The following API5 variants were observed in gnomAD, a reference collection of about 807,000 sequenced individuals.
API5 encodes the protein FIF.
Under a neutral mutation model 71.9 loss-of-function variants are expected in API5, and 6 were observed. That is an observed-to-expected ratio of 0.08 (90% confidence interval 0.05 to 0.16). API5 has a LOEUF of 0.16. API5 is among the 10% of genes least tolerant of loss of function. API5 has a pLI of 1.00. For synonymous variants in API5, 189 were observed against 221.3 expected, an observed-to-expected ratio of 0.85 and a Z score of 1.30; for missense variants, 332 against 612.8, an observed-to-expected ratio of 0.54 and a Z score of 4.84.
At chr11:43,331,461 A>G (rs1855254199) in intron 11 of API5, 1 of 203,250 alleles carries the variant, frequency 4.9e-6, no homozygotes, top group Admixed American at 5.7e-5. Context: ...TATGTACTGT[A>G]TTACAATAAA....
At chr11:43,324,474 G>C (rs187449772) in intron 6 of API5, among the ~76,000 whole-genome samples, 67 of 152,222 alleles carry the variant, frequency 4.4e-4, no homozygotes, top group African/African-American at 1.5e-3. Flanking sequence ...CCTAGAGCAG[G>C]CGTGGTGGCC....
chr11:43,313,627 C>T (rs1160908385), intron 1 of API5, among the ~76,000 whole-genome samples: 1 of 151,902 alleles, frequency 6.6e-6, no homozygotes, highest in East Asian at 1.9e-4. Context: ...GTAGCTTAAT[C>T]TAGAATTAAG....
chr11:43,340,287 C>G (rs1276647408), intron 13 of API5: 1 of 285,112 alleles, frequency 3.5e-6, no homozygotes, highest in Non-Finnish European at 6.8e-6. Context: ...GAAGGAGATA[C>G]AAACAAATTG....
intron 11 of API5, among the ~76,000 whole-genome samples, chr11:43,333,044 C>G (rs914987116): frequency 2.0e-5 from 3 of 152,092 alleles, no homozygotes; most frequent in African/African-American, 7.2e-5. Flanking sequence ...AATGTTTTAG[C>G]AAAAGATATT....
In API5 at chr11:43,342,803, G is replaced by A; in HGVS notation, c.*293G>A. 1.7e-6 allele frequency: 1 copy of A among 596,848 alleles called. No individual in the cohort carries two copies. Among genetic ancestry groups the A allele is most frequent in the Non-Finnish European group, 3.0e-6 (1 of 335,354 alleles). 37.0% of individuals were successfully genotyped at this position (596,848 alleles called of 1,614,324 possible). Reference sequence around the variant, plus strand: ...TTAAACATCTTGATAATTTGTTGTTGAGAGCTGTTCATTCTAAAATGTAAT... The same window carrying A: ...TTAAACATCTTGATAATTTGTTGTTAAGAGCTGTTCATTCTAAAATGTAAT... On this transcript the variant is annotated 3_prime_UTR_variant, in exon 14 of 14. Transcript: ENST00000531273.
chr11:43,313,106 CAAA>C (rs34061133), intron 1 of API5, among the ~76,000 whole-genome samples: 2 of 106,866 alleles, frequency 1.9e-5, no homozygotes. Flanking sequence ...GACCCCGTCT[CAAA>C]AAAAAAAAAA....
intron 6 of API5, among the ~76,000 whole-genome samples, chr11:43,324,032 C>A (rs1854984858): frequency 6.6e-6 from 1 of 151,208 alleles, no homozygotes; most frequent in Non-Finnish European, 1.5e-5. Context: ...TTTTTTTTTC[C>A]TTTGAGACAG....
chr11:43,312,155 A>C lies in API5; in HGVS notation c.28A>C (p.Asn10His). 1 of 1,613,944 alleles carries C rather than the reference A, an allele frequency of 6.2e-7. No individual in the cohort carries two copies. The highest frequency in any genetic ancestry group is 8.5e-7 in the Non-Finnish European group (1 of 1,179,930). The change falls in exon 1 of 14, where the codon AAT becomes CAT. Residue 10 changes from asparagine to histidine, a missense_variant. This residue lies in a region of API5 where 127 missense variants were observed against 237.6 expected (regional missense o/e 0.53). Coordinates refer to ENST00000531273, the MANE Select transcript of API5 (RefSeq NM_001142930.2). MPTVEELYR[N>H]YGILADATEQ... is the part of the protein sequence containing the mutation. ...GCCGACAGTAGAGGAGCTTTACCGC[A>C]ATTATGGCATCCTGGCCGATGCCAC...
intron 11 of API5, among the ~76,000 whole-genome samples, chr11:43,332,256 T>C (rs1379623732): frequency 6.6e-6 from 1 of 152,214 alleles, no homozygotes; most frequent in Non-Finnish European, 1.5e-5. Context: ...TAAATAGTTC[T>C]GCAGTGGATA....
intron 12 of API5, 61 bp from the exon 13 acceptor site, chr11:43,335,797 G>T: frequency 6.6e-7 from 1 of 1,511,156 alleles, no homozygotes; most frequent in South Asian, 1.3e-5. Flanking sequence ...AATTATAAAT[G>T]TATTGATAGC....
intron 2 of API5, among the ~76,000 whole-genome samples, chr11:43,319,809 A>G (rs1854805335): frequency 1.3e-5 from 2 of 152,234 alleles, no homozygotes; most frequent in African/African-American, 4.8e-5. Flanking sequence ...TTAGTAGTCA[A>G]TACTGAAAAT....
In API5 at chr11:43,335,211, A is replaced by T; in HGVS notation, c.1279-67A>T. Reference sequence around the variant, plus strand: ...TCTTTAAGATCTGTCTTCGTTTCCTACCCTCACCACCACTCCCTGCCACCA... The same window carrying T: ...TCTTTAAGATCTGTCTTCGTTTCCTTCCCTCACCACCACTCCCTGCCACCA... On this transcript the variant is annotated intron_variant, in intron 11 of 13. Coordinates refer to ENST00000531273, the MANE Select transcript of API5 (RefSeq NM_001142930.2). The T allele has an allele frequency of 3.6e-6, 4 of 1,121,680 alleles. No individual in the cohort carries two copies. In the South Asian group the frequency reaches 5.0e-5, roughly 14 times the overall value. 69.5% of individuals were successfully genotyped at this position (1,121,680 alleles called of 1,614,324 possible).
intron 11 of API5, 140 bp downstream of exon 11, chr11:43,330,704 TAC>T (rs1855223055): frequency 1.5e-6 from 1 of 670,882 alleles, no homozygotes; most frequent in East Asian, 2.8e-5. Flanking sequence ...AACAGATAGA[TAC>T]AGTCTCAGAA....
chr11:43,330,729 T>A (rs1012459211), intron 11 of API5, among the ~76,000 whole-genome samples, 165 bp downstream of exon 11: 1 of 152,236 alleles, frequency 6.6e-6, no homozygotes, highest in Non-Finnish European at 1.5e-5. Context: ...TTCAGCGACT[T>A]AAGTTCTAGT....
At position 43,342,721 on chromosome 11, in the gene API5, C is replaced by G; in HGVS notation, c.*211C>G. 7.4e-6 allele frequency: 5 copies of G among 674,832 alleles called. No individual in the cohort carries two copies. Among genetic ancestry groups the G allele is most frequent in the Non-Finnish European group, 1.1e-5 (4 of 371,184 alleles). 41.8% of individuals were successfully genotyped at this position (674,832 alleles called of 1,614,324 possible). Reference sequence around the variant, plus strand: ...ACAGTGATATTTTTGGATGCTTTGTCTGCAATCTTGACTTGTTTTTGCAGT... The same window carrying G: ...ACAGTGATATTTTTGGATGCTTTGTGTGCAATCTTGACTTGTTTTTGCAGT... On this transcript the variant is annotated 3_prime_UTR_variant, in exon 14 of 14. Coordinates refer to ENST00000531273, the MANE Select transcript of API5 (RefSeq NM_001142930.2).
At position 43,335,900 on chromosome 11, in the gene API5, C is replaced by G. The variant is rs777249559; in HGVS notation, c.1398C>G (p.Pro466=). ...ASEDTTSGSP[P]KKSSAGPKRD... The stretch of plus-strand genomic sequence containing the variant: ...AAGATACAACTTCAGGTTCACCACC[C>G]AAGAAATCTTCAGCAGGACCAAAAA... The change falls in exon 13 of 14, where the codon CCC becomes CCG. Residue 466 remains proline, a synonymous_variant. Transcript: ENST00000531273. 4 of 1,613,230 alleles carry G rather than the reference C, an allele frequency of 2.5e-6. No homozygotes were observed. In the African/African-American group the frequency reaches 5.3e-5, roughly 22 times the overall value.
chr11:43,312,945 A>G (rs1854536590), intron 1 of API5, among the ~76,000 whole-genome samples: 2 of 151,934 alleles, frequency 1.3e-5, no homozygotes, highest in African/African-American at 2.4e-5. Context: ...TGTCTCTACT[A>G]AAAATACAAA....
At position 43,335,321 on chromosome 11, in the gene API5, T is replaced by C; in HGVS notation, c.1322T>C (p.Leu441Pro). Reference protein sequence around the residue: ...IPPSYKSTVTLSWKPVQKVEI... With the variant: ...IPPSYKSTVTPSWKPVQKVEI... ...CCTTCTTATAAGAGCACAGTAACACTATCCTGGAAACCTGTACAAAAGGTT... is the reference window on the plus strand; with the variant it reads ...CCTTCTTATAAGAGCACAGTAACACCATCCTGGAAACCTGTACAAAAGGTT... Residue 441 changes from leucine to proline, a missense_variant, in exon 12 of 14, where the codon CTA becomes CCA. Around this residue, in one of 3 missense-constraint regions of API5, gnomAD observed 168 missense variants for 343.9 expected, o/e 0.49. Coordinates refer to ENST00000531273, the MANE Select transcript of API5 (RefSeq NM_001142930.2). 3 of 1,605,220 alleles carry C rather than the reference T, an allele frequency of 1.9e-6. No individual in the cohort carries two copies. Among genetic ancestry groups the C allele is most frequent in the Non-Finnish European group, 1.7e-6 (2 of 1,173,036 alleles).
intron 10 of API5, 106 bp downstream of exon 10, chr11:43,330,164 C>T: frequency 1.2e-6 from 1 of 855,222 alleles, no homozygotes; most frequent in Non-Finnish European, 1.9e-6. Context: ...ATTTAACAGT[C>T]TTCATCCCAG....
Sources: gnomAD v4.1 joint callset for allele counts (sites outside exome capture counted in the v4.1 genomes callset) on GRCh38, gnomAD v4.1.1 for gene constraint, gnomAD v4.1.1 regional missense constraint, MANE v1.5 for transcripts, NCBI Gene and HGNC (gene_info 2026-07-23, HGNC 2026-07-21) for gene names.